The following PCDHA10 variants were observed in gnomAD, a reference collection of about 807,000 sequenced individuals.
The protein encoded by PCDHA10 is protocadherin alpha 10, also known as protocadherin alpha-10.
A neutral mutation model predicts 61.2 loss-of-function variants in PCDHA10; 45 were observed. That is an observed-to-expected ratio of 0.74 (90% CI 0.58 to 0.94). PCDHA10 has a LOEUF of 0.94. Among genes scored for constraint, PCDHA10 ranks in the 40% least tolerant of loss-of-function variants. The pLI, the probability that PCDHA10 is intolerant of heterozygous loss-of-function variation, is 0.00. For synonymous variants in PCDHA10, 602 were observed against 548.8 expected (o/e 1.10, Z -1.35); for missense variants, 1,278 against 1,236.2 (o/e 1.03, Z -0.51).
intron 1 of PCDHA10, among the ~76,000 whole-genome samples, chr5:140,951,086 T>A (rs2094547457): frequency 6.6e-6 from 1 of 152,066 alleles, no homozygotes; most frequent in Admixed American, 6.5e-5. Context: ...ATTTTCCTTT[T>A]TTTCTGATAA....
chr5:140,997,133 C>A (rs1554255761), intron 3 of PCDHA10, among the ~76,000 whole-genome samples: 3 of 152,090 alleles, frequency 2.0e-5, no homozygotes, highest in Non-Finnish European at 4.4e-5. Flanking sequence ...ACAATGCCCC[C>A]ACACCCCCGC....
rs1368694746 is a variant in PCDHA10, at chr5:140,870,609, G to T, written c.2388+12173G>T. ...TGGAGCGGCGGTTGGGCGACCGCGC[G>T]CTGTCGAGCTACGTGTCGGTGCACG... On this transcript the variant is annotated intron_variant, in intron 1 of 3. Coordinates refer to ENST00000307360, the MANE Select transcript of PCDHA10 (RefSeq NM_018901.4). The T allele has an allele frequency of 5.0e-6, 8 of 1,613,114 alleles. No homozygotes were observed. In the East Asian group the frequency reaches 1.8e-4, roughly 36 times the overall value.
chr5:140,949,685 G>A (rs1044878374), intron 1 of PCDHA10, among the ~76,000 whole-genome samples: 4 of 151,794 alleles, frequency 2.6e-5, no homozygotes, highest in East Asian at 1.9e-4. Flanking sequence ...TTGTTGAAGC[G>A]TATTGTTGGA....
At chr5:140,926,911 G>A (rs1248832475) in intron 1 of PCDHA10, 4 of 1,561,318 alleles carry the variant, frequency 2.6e-6, no homozygotes, top group Non-Finnish European at 3.5e-6. Flanking sequence ...CTGTGGGGTG[G>A]CAGTTTTATG....
rs148357054 is a variant in PCDHA10, at chr5:140,862,194, A to G, written c.2388+3758A>G. On this transcript the variant is annotated intron_variant, in intron 1 of 3. Coordinates refer to ENST00000307360, the MANE Select transcript of PCDHA10 (RefSeq NM_018901.4). ...GGCAGTTGACACAGGCAATTCCCCA[A>G]TGTTTGATCACTGCACAGACTTGAT... The G allele has an allele frequency of 5.4e-3, 909 of 167,816 alleles. 8 individuals are homozygous for G. The highest frequency in any genetic ancestry group is 8.4e-3 in the South Asian group (55 of 6,516). The allele number at this position is 167,816 out of a possible 1,614,324, so 10.4% of individuals were successfully genotyped here.
chr5:140,971,184 A>C (rs1431296656), intron 1 of PCDHA10, among the ~76,000 whole-genome samples: 1 of 152,188 alleles, frequency 6.6e-6, no homozygotes, highest in African/African-American at 2.4e-5. Context: ...TGTAAGCCGG[A>C]AGCTCAGAGG....
chr5:140,998,629 A>G (rs989469969), intron 3 of PCDHA10, among the ~76,000 whole-genome samples: 3 of 152,064 alleles, frequency 2.0e-5, no homozygotes, highest in African/African-American at 7.2e-5. Context: ...CAATGGCACA[A>G]TCTCAGCTCA....
chr5:140,990,869 G>A (rs2097420316), intron 3 of PCDHA10, among the ~76,000 whole-genome samples: 3 of 152,192 alleles, frequency 2.0e-5, no homozygotes, highest in African/African-American at 4.8e-5. Context: ...TGTATTTTAA[G>A]TGTATGTTCC....
chr5:140,949,409 A>G (rs547419161), intron 1 of PCDHA10, among the ~76,000 whole-genome samples: 1 of 151,896 alleles, frequency 6.6e-6, no homozygotes, highest in African/African-American at 2.4e-5. Flanking sequence ...AAAATCACCT[A>G]TCATCATTGT....
chr5:140,963,021 G>A (rs2095729854), intron 1 of PCDHA10, among the ~76,000 whole-genome samples: 1 of 152,150 alleles, frequency 6.6e-6, no homozygotes, highest in Non-Finnish European at 1.5e-5. Flanking sequence ...AGAAAATGAA[G>A]CAATTAACAT....
At chr5:140,995,317 C>T (rs1554254587) in intron 3 of PCDHA10, among the ~76,000 whole-genome samples, 1 of 152,118 alleles carries the variant, frequency 6.6e-6, no homozygotes, top group Non-Finnish European at 1.5e-5. Flanking sequence ...TCTAAGTGAA[C>T]TAACAGGTGA....
chr5:140,975,156 G>A (rs1404839334), intron 1 of PCDHA10, among the ~76,000 whole-genome samples: 15 of 152,174 alleles, frequency 9.9e-5, no homozygotes, highest in Non-Finnish European at 2.1e-4. Context: ...AGTTCCTAGA[G>A]AACTGAGGAC....
At position 140,883,003 on chromosome 5, in the gene PCDHA10, C is replaced by G. The variant is rs781977743; in HGVS notation, c.2388+24567C>G. 3.1e-6 allele frequency: 5 copies of G among 1,613,932 alleles called. No homozygotes were observed. The African/African-American group carries it at 5.3e-5, about 17-fold the overall frequency. On this transcript the variant is annotated intron_variant, in intron 1 of 3. Coordinates refer to ENST00000307360, the MANE Select transcript of PCDHA10 (RefSeq NM_018901.4). ...ACAACGCCCCGGAATTTTACCAATC[C>G]GTTTATAAAGTGACGGTGTTAGAGA... is the stretch of plus-strand genomic sequence containing the variant.
intron 1 of PCDHA10, among the ~76,000 whole-genome samples, chr5:140,947,554 G>T (rs977454594): frequency 1.3e-5 from 2 of 151,358 alleles, no homozygotes; most frequent in Non-Finnish European, 3.0e-5. Flanking sequence ...AATTCCGCTG[G>T]GATTTATATT....
chr5:140,935,527 C>G (rs956168876), intron 1 of PCDHA10, among the ~76,000 whole-genome samples: 4 of 152,172 alleles, frequency 2.6e-5, no homozygotes, highest in Non-Finnish European at 5.9e-5. Context: ...CATGTACAGT[C>G]AAATTATTGT....
intron 1 of PCDHA10, chr5:140,859,929 A>T (rs568538695): frequency 4.2e-4 from 64 of 152,162 alleles, no homozygotes; most frequent in African/African-American, 1.3e-3. Flanking sequence ...TAATATAAAA[A>T]ACTTAGTAAA....
Position 140,857,375 on chromosome 5 carries a change from G to C in PCDHA10, c.1327G>C (p.Glu443Gln). 6.3e-7 allele frequency: 1 copy of C among 1,598,360 alleles called. No individual in the cohort carries two copies. Residue 443 changes from glutamate (E) to glutamine (Q), a missense_variant, in exon 1 of 4, where the codon GAG becomes CAG. Coordinates refer to ENST00000307360, the MANE Select transcript of PCDHA10 (RefSeq NM_018901.4). ...GTGGGCCACGGCCAGCGTGTCTGTG[G>C]AGGTGGCCGACGTGAACGACAACGC... ...PLWATASVSV[E>Q]VADVNDNAPA...
In PCDHA10 at chr5:140,995,657, A is replaced by C. The variant is rs188298109; in HGVS notation, c.2536+13094A>C. Among the ~76,000 whole-genome samples, 56 of 152,328 alleles carry C rather than the reference A, an allele frequency of 3.7e-4. No homozygotes were observed. The East Asian group carries it at 7.7e-3, about 21-fold the overall frequency. Reference sequence around the variant, plus strand: ...AGTGTTTAGAAAAGGAGAATCGAAAAGGGAAGTAAATGCAGCATTTTTTTT... The same window carrying C: ...AGTGTTTAGAAAAGGAGAATCGAAACGGGAAGTAAATGCAGCATTTTTTTT... On this transcript the variant is annotated intron_variant, in intron 3 of 3. Coordinates refer to ENST00000307360, the MANE Select transcript of PCDHA10 (RefSeq NM_018901.4).
chr5:140,870,504 C>T (rs782464928), intron 1 of PCDHA10: 13 of 1,614,114 alleles, frequency 8.1e-6, no homozygotes, highest in Middle Eastern at 3.3e-4. Context: ...AGGAGAACAA[C>T]CCACCAGGCT....
Sources: gnomAD v4.1 joint callset for allele counts (sites outside exome capture counted in the v4.1 genomes callset) on GRCh38, gnomAD v4.1.1 for gene constraint, MANE v1.5 for transcripts, NCBI Gene and HGNC (gene_info 2026-07-23, HGNC 2026-07-21) for gene names.